The following MITF variants were observed in gnomAD, a reference collection of about 807,000 sequenced individuals.
The protein encoded by MITF is melanocyte inducing transcription factor.
MITF carries 17 observed loss-of-function variants against 60.5 expected under a neutral mutation model. That is an observed-to-expected ratio of 0.28 (90% confidence interval 0.19 to 0.42). The LOEUF is 0.42. Ranked by LOEUF, MITF falls within the 10% of genes least tolerant of loss-of-function variation. The pLI is 1.00. For synonymous variants in MITF, 260 were observed against 248.5 expected (o/e 1.05, Z -0.43); for missense variants, 622 against 683.5 (o/e 0.91, Z 1.00).
intron 1 of MITF, among the ~76,000 whole-genome samples, chr3:69,774,667 A>C (rs917172850): frequency 6.6e-6 from 1 of 152,178 alleles, no homozygotes; most frequent in African/African-American, 2.4e-5. Context: ...AAGAGGTAGA[A>C]GGGCTGCCAC....
At chr3:69,879,531 T>C in intron 2 of MITF, 148 bp downstream of exon 2, 1 of 1,384,524 alleles carries the variant, frequency 7.2e-7, no homozygotes, top group Non-Finnish European at 9.8e-7. Flanking sequence ...CTTACGTGGC[T>C]TTATATTTTA....
Position 69,965,628 on chromosome 3 carries a change from T to G in MITF, c.*380T>G, listed in dbSNP as rs2066671860. ...TTGGAAATCAAATGTAAAGTTTAATTGAAAGAATGTAAAGCAACCAAAAAG... is the reference window on the plus strand; with the variant it reads ...TTGGAAATCAAATGTAAAGTTTAATGGAAAGAATGTAAAGCAACCAAAAAG... On this transcript the variant is annotated 3_prime_UTR_variant, in exon 10 of 10. Coordinates refer to ENST00000352241, the MANE Select transcript of MITF (RefSeq NM_001354604.2). The G allele has an allele frequency of 4.0e-6, 1 of 250,740 alleles. No individual in the cohort carries two copies. Among genetic ancestry groups the G allele is most frequent in the African/African-American group, 2.2e-5 (1 of 45,164 alleles). The allele number at this position is 250,740 out of a possible 1,614,324, so 15.5% of individuals were successfully genotyped here.
intron 1 of MITF, among the ~76,000 whole-genome samples, chr3:69,814,658 TTG>T (rs141618433): frequency 2.5e-4 from 38 of 151,488 alleles, no homozygotes; most frequent in Middle Eastern, 3.4e-3. Flanking sequence ...TTACTGCCAT[TTG>T]TGTGTGTGTG....
chr3:69,905,277 A>ACTCAGCAT (rs2065073576), intron 2 of MITF, among the ~76,000 whole-genome samples: 1 of 152,008 alleles, frequency 6.6e-6, no homozygotes, highest in Non-Finnish European at 1.5e-5. Context: ...AGCATAATTA[A>ACTCAGCAT]TTTGCAGTTC....
chr3:69,880,032 G>T (rs1030829978), intron 2 of MITF, among the ~76,000 whole-genome samples: 3 of 144,850 alleles, frequency 2.1e-5, no homozygotes, highest in African/African-American at 8.6e-5. Flanking sequence ...CATCTCACAC[G>T]TGTCTTCCAC....
chr3:69,928,892 G>A (rs906224292), intron 2 of MITF, among the ~76,000 whole-genome samples: 3 of 152,224 alleles, frequency 2.0e-5, no homozygotes, highest in East Asian at 3.9e-4. Context: ...GGTCATTTGA[G>A]ACCCACAGGG....
Position 69,799,555 on chromosome 3 carries a change from C to T in MITF, c.104+59854C>T, listed in dbSNP as rs1194001529. On this transcript the variant is annotated intron_variant, in intron 1 of 9. Coordinates refer to ENST00000352241, the MANE Select transcript of MITF (RefSeq NM_001354604.2). Reference sequence around the variant, plus strand: ...CATGGACAAAGTTATACACCCAAAACGGGCAAAGACACAGTAGCAGTTTAG... The same window carrying T: ...CATGGACAAAGTTATACACCCAAAATGGGCAAAGACACAGTAGCAGTTTAG... Among the ~76,000 whole-genome samples, 5 of 152,280 alleles carry T rather than the reference C, an allele frequency of 3.3e-5. No individual in the cohort carries two copies. In the South Asian group the frequency reaches 6.2e-4, roughly 19 times the overall value.
chr3:69,958,630 G>A (rs2107534981), intron 8 of MITF, among the ~76,000 whole-genome samples: 1 of 151,690 alleles, frequency 6.6e-6, no homozygotes, highest in South Asian at 2.1e-4. Flanking sequence ...TTAGTAGTGA[G>A]ATCTCACAGA....
chr3:69,852,029 T>G (rs1029863359), intron 1 of MITF, among the ~76,000 whole-genome samples: 1 of 152,054 alleles, frequency 6.6e-6, no homozygotes, highest in South Asian at 2.1e-4. Flanking sequence ...GGCAAACATA[T>G]ACAAACAATT....
intron 2 of MITF, chr3:69,936,929 G>T: frequency 3.5e-4 from 137 of 392,170 alleles, no homozygotes; most frequent in Middle Eastern, 1.6e-3. Flanking sequence ...TTTGAACAAA[G>T]TAAATATTAG....
chr3:69,754,573 C>T (rs951475320), intron 1 of MITF, among the ~76,000 whole-genome samples: 44 of 152,058 alleles, frequency 2.9e-4, no homozygotes, highest in African/African-American at 9.9e-4. Context: ...GAAAAGATGT[C>T]AGCATCATGC....
chr3:69,892,706 G>A (rs2064786336), intron 2 of MITF, among the ~76,000 whole-genome samples: 1 of 152,112 alleles, frequency 6.6e-6, no homozygotes, highest in African/African-American at 2.4e-5. Flanking sequence ...TTAGATAAAT[G>A]GTAGCACAAA....
chr3:69,814,964 G>A (rs1575756241), intron 1 of MITF, among the ~76,000 whole-genome samples: 1 of 152,104 alleles, frequency 6.6e-6, no homozygotes, highest in African/African-American at 2.4e-5. Context: ...GCAAAAACAG[G>A]TGTTTGCCCT....
At chr3:69,894,851 T>C (rs1257873730) in intron 2 of MITF, among the ~76,000 whole-genome samples, 1 of 152,228 alleles carries the variant, frequency 6.6e-6, no homozygotes, top group Non-Finnish European at 1.5e-5. Flanking sequence ...TTTTTGCTAT[T>C]AAACCATTTA....
At chr3:69,749,965 A>T (rs1397114245) in intron 1 of MITF, among the ~76,000 whole-genome samples, 3 of 152,214 alleles carry the variant, frequency 2.0e-5, no homozygotes, top group Non-Finnish European at 4.4e-5. Context: ...GAAGCTTTAA[A>T]TTGTTGATTC....
At chr3:69,870,868 G>C (rs932559482) in intron 1 of MITF, among the ~76,000 whole-genome samples, 2 of 152,064 alleles carry the variant, frequency 1.3e-5, no homozygotes, top group Non-Finnish European at 2.9e-5. Context: ...AAAATAGATG[G>C]GTGCTAGGTT....
chr3:69,739,772 G>C, intron 1 of MITF, 71 bp downstream of exon 1: 1 of 1,181,662 alleles, frequency 8.5e-7, no homozygotes, highest in Non-Finnish European at 1.2e-6. Flanking sequence ...TCTGGGGCGA[G>C]GAGAGCGGGT....
At chr3:69,917,835 G>GT (rs2065371017) in intron 2 of MITF, among the ~76,000 whole-genome samples, 1 of 150,900 alleles carries the variant, frequency 6.6e-6, no homozygotes, top group Admixed American at 6.6e-5. Flanking sequence ...GATAGAGACT[G>GT]TTTTTTGTTT....
intron 2 of MITF, among the ~76,000 whole-genome samples, chr3:69,897,046 A>T (rs2064891164): frequency 6.6e-6 from 1 of 152,138 alleles, no homozygotes; most frequent in Admixed American, 6.5e-5. Flanking sequence ...AGTGAAATGC[A>T]AGGTAGCAGA....
Sources: gnomAD v4.1 joint callset for allele counts (sites outside exome capture counted in the v4.1 genomes callset) on GRCh38, gnomAD v4.1.1 for gene constraint, MANE v1.5 for transcripts, NCBI Gene and HGNC (gene_info 2026-07-23, HGNC 2026-07-21) for gene names.